PACSIN2: variants seen among roughly 807,000 people sequenced by gnomAD.
PACSIN2 encodes the protein protein kinase C and casein kinase substrate in neurons 2.
A neutral mutation model predicts 63.8 loss-of-function variants in PACSIN2; 25 were observed. The ratio of observed to expected loss-of-function variants is 0.39; its 90% CI spans 0.29 to 0.55. The LOEUF (loss-of-function observed/expected upper bound fraction) is 0.55. Ranked by LOEUF, PACSIN2 falls within the 20% of genes least tolerant of loss-of-function variation. The pLI is 0.62. For synonymous variants in PACSIN2, 255 were observed against 256.2 expected (o/e 1.00, Z 0.05); for missense variants, 518 against 646.9 (o/e 0.80, Z 2.16).
chr22:43,009,379 T>G (rs1458913891), intron 1 of PACSIN2, among the ~76,000 whole-genome samples: 1 of 152,244 alleles, frequency 6.6e-6, no homozygotes, highest in Non-Finnish European at 1.5e-5. Flanking sequence ...AAGTCATCAT[T>G]ATTATTAGCT....
In PACSIN2 at chr22:42,871,369, C is replaced by T. The variant is rs1928105901; in HGVS notation, c.1449G>A (p.Glu483=). 6.2e-6 allele frequency: 10 copies of T among 1,612,576 alleles called. No individual in the cohort carries two copies. ...TGTCCCCGACTCATCACTGGATCGC[C>T]TCCACATAATTTGCCGGGTATAGGC... The part of the protein sequence containing the change: ...QVGLYPANYV[E]AIQ The change falls in exon 11 of 11, where the codon GAG becomes GAA. Residue 483 remains glutamate, a synonymous_variant. Coordinates refer to ENST00000263246, the MANE Select transcript of PACSIN2 (RefSeq NM_001184970.3). This position sits in a 1 kb window ranked among gnomAD's most constrained non-coding sequence, Gnocchi z 5.4.
At position 42,890,992 on chromosome 22, in the gene PACSIN2, G is replaced by A. The variant is rs368074486; in HGVS notation, c.408C>T (p.Asp136=). 1.9e-5 allele frequency: 30 copies of A among 1,614,020 alleles called. No homozygotes were observed. The highest frequency in any genetic ancestry group is 2.2e-5 in the East Asian group (1 of 44,872). ...GGFKETKEAE[D]GFRKAQKPWA... The stretch of plus-strand genomic sequence containing the variant: ...AGGGCTTCTGTGCCTTCCGAAAGCC[G>A]TCCTCAGCTTCCTTGGTCTCCTTGA... The change falls in exon 4 of 11, where the codon GAC becomes GAT. Residue 136 remains aspartate (D), a synonymous_variant. Coordinates refer to ENST00000263246, the MANE Select transcript of PACSIN2 (RefSeq NM_001184970.3).
At chr22:42,999,372 A>G (rs994973445) in intron 1 of PACSIN2, among the ~76,000 whole-genome samples, 16 of 152,188 alleles carry the variant, frequency 1.1e-4, no homozygotes, top group African/African-American at 3.9e-4. Flanking sequence ...CGGAGGCATT[A>G]AAAAATCTGT....
intron 7 of PACSIN2, among the ~76,000 whole-genome samples, chr22:42,881,893 G>A (rs1929103572): frequency 6.6e-6 from 1 of 152,168 alleles, no homozygotes; most frequent in South Asian, 2.1e-4. Flanking sequence ...TCCTGAGACT[G>A]ACTAGGAAGG....
At chr22:42,976,794 T>C (rs1385748358) in intron 1 of PACSIN2, among the ~76,000 whole-genome samples, 2 of 152,216 alleles carry the variant, frequency 1.3e-5, no homozygotes, top group Non-Finnish European at 2.9e-5. Context: ...ACAGCAGTAT[T>C]GTAATTGTCC....
intron 1 of PACSIN2, among the ~76,000 whole-genome samples, chr22:42,938,328 T>C (rs1364394082): frequency 6.6e-6 from 1 of 152,168 alleles, no homozygotes; most frequent in African/African-American, 2.4e-5. Context: ...TGCCAATTAA[T>C]CTTATTCTTA....
intron 1 of PACSIN2, among the ~76,000 whole-genome samples, chr22:42,917,866 C>T (rs1275501194): frequency 6.6e-6 from 1 of 152,014 alleles, no homozygotes; most frequent in Non-Finnish European, 1.5e-5. Context: ...CTCAAGGGAT[C>T]CTCCTGCCTC....
At chr22:42,889,356 C>T (rs541202225) in intron 4 of PACSIN2, among the ~76,000 whole-genome samples, 2 of 52,620 alleles carry the variant, frequency 3.8e-5, no homozygotes, top group Admixed American at 4.7e-4. Flanking sequence ...CACATTTCCT[C>T]TGGTTTTAAT....
rs922564990 is a variant in PACSIN2, at chr22:42,876,240, G to T, written c.1245C>A (p.Asp415Glu). Residue 415 changes from aspartate to glutamate, a missense_variant, in exon 10 of 11, where the codon GAC (aspartate) becomes GAA (glutamate). Around this residue, in one of 2 missense-constraint regions of PACSIN2, gnomAD observed 507 missense variants for 612.3 expected, o/e 0.83. Coordinates refer to ENST00000263246, the MANE Select transcript of PACSIN2 (RefSeq NM_001184970.3). ...TGGCGTCGTCGTCGAATGGATTCGA[G>T]TCCCCATTGGCATCCGTGGAGGAGA... ...NPFSSTDANG[D>E]SNPFDDDATS... is the part of the protein sequence containing the mutation. 3.1e-6 allele frequency: 5 copies of T among 1,614,056 alleles called. No homozygotes were observed. In the African/African-American group the frequency reaches 4.0e-5, roughly 13 times the overall value.
chr22:42,896,102 T>C (rs1287025681), intron 2 of PACSIN2, among the ~76,000 whole-genome samples: 7 of 152,176 alleles, frequency 4.6e-5, no homozygotes, highest in Admixed American at 1.3e-4. Context: ...TATACCACTG[T>C]CTACCACCTC....
intron 1 of PACSIN2, among the ~76,000 whole-genome samples, chr22:42,912,374 G>A (rs541305169): frequency 2.6e-5 from 4 of 152,082 alleles, no homozygotes; most frequent in African/African-American, 9.7e-5. Context: ...GGGGGCGAGG[G>A]GTGCATGTGC....
At chr22:42,976,833 G>GGCC (rs1921736901) in intron 1 of PACSIN2, among the ~76,000 whole-genome samples, 1 of 152,290 alleles carries the variant, frequency 6.6e-6, no homozygotes, top group East Asian at 1.9e-4. Context: ...GGAGACTGAA[G>GGCC]CTCAGGGAGA....
chr22:42,879,205 T>G (rs558721179), intron 7 of PACSIN2, 36 bp from the exon 8 acceptor site: 1 of 1,602,026 alleles, frequency 6.2e-7, no homozygotes, highest in South Asian at 1.1e-5. Context: ...AAACCAAAGG[T>G]TCACTACTTG....
intron 1 of PACSIN2, among the ~76,000 whole-genome samples, chr22:42,986,363 C>G (rs959282799): frequency 6.6e-6 from 1 of 152,178 alleles, no homozygotes; most frequent in Non-Finnish European, 1.5e-5. Context: ...AAAGAAAACA[C>G]TCGTGAGTAT....
chr22:42,971,921 T>A (rs1211272181), intron 1 of PACSIN2, among the ~76,000 whole-genome samples: 2 of 142,922 alleles, frequency 1.4e-5, no homozygotes, highest in African/African-American at 5.5e-5. Context: ...CGCCGCCCCG[T>A]CTGGAAGGTG....
At chr22:43,013,721 G>A (rs992379158) in intron 1 of PACSIN2, among the ~76,000 whole-genome samples, 4 of 152,236 alleles carry the variant, frequency 2.6e-5, no homozygotes, top group Non-Finnish European at 5.9e-5. Context: ...GGAAGAAGGT[G>A]TGAGCTCACC....
intron 1 of PACSIN2, among the ~76,000 whole-genome samples, chr22:42,991,544 G>A (rs1015924385): frequency 1.3e-5 from 2 of 152,230 alleles, no homozygotes; most frequent in African/African-American, 4.8e-5. Flanking sequence ...GAAGGAGAGA[G>A]ACTGTGCGGG....
At chr22:42,939,243 A>G (rs1933040871) in intron 1 of PACSIN2, among the ~76,000 whole-genome samples, 2 of 152,210 alleles carry the variant, frequency 1.3e-5, no homozygotes, top group African/African-American at 4.8e-5. Flanking sequence ...TTTTTACAGC[A>G]ATATTTTTTT....
At chr22:43,013,447 AG>A (rs1924633745) in intron 1 of PACSIN2, among the ~76,000 whole-genome samples, 1 of 152,244 alleles carries the variant, frequency 6.6e-6, no homozygotes, top group Non-Finnish European at 1.5e-5. Flanking sequence ...AGTCCACACA[AG>A]TGAAAGTTTT....
Sources: gnomAD v4.1 joint callset for allele counts (sites outside exome capture counted in the v4.1 genomes callset) on GRCh38, gnomAD v4.1.1 for gene constraint, gnomAD v4.1.1 regional missense constraint, Gnocchi (gnomAD v3.1) non-coding constraint, MANE v1.5 for transcripts, NCBI Gene and HGNC (gene_info 2026-07-23, HGNC 2026-07-21) for gene names.